The following CNTNAP2 variants were observed in gnomAD, a reference collection of about 807,000 sequenced individuals.
CNTNAP2 encodes contactin associated protein 2.
In CNTNAP2, 98 loss-of-function variants were observed where a neutral mutation model predicts 155.2. The ratio of observed to expected loss-of-function variants is 0.63; its 90% CI spans 0.54 to 0.75. The LOEUF (loss-of-function observed/expected upper bound fraction) is 0.75, where lower values mean the gene tolerates loss of function less well. CNTNAP2 is among the 30% of genes least tolerant of loss of function. The probability of loss-of-function intolerance (pLI) is 0.00; values close to 1 mark genes in which losing one functional copy is unlikely to be tolerated. For synonymous variants in CNTNAP2, 651 were observed against 631.2 expected, an observed-to-expected ratio of 1.03 and a Z score of -0.47; for missense variants, 1,727 against 1,688.1, an observed-to-expected ratio of 1.02 and a Z score of -0.40.
intron 10 of CNTNAP2, among the ~76,000 whole-genome samples, chr7:147,483,690 G>A (rs1430555625): frequency 6.6e-6 from 1 of 152,072 alleles, no homozygotes; most frequent in Non-Finnish European, 1.5e-5. Flanking sequence ...CACCATATAC[G>A]TACTGAATTC....
At chr7:146,915,390 A>G (rs928788945) in intron 3 of CNTNAP2, among the ~76,000 whole-genome samples, 1 of 152,096 alleles carries the variant, frequency 6.6e-6, no homozygotes, top group African/African-American at 2.4e-5. Flanking sequence ...TGAATTTGTA[A>G]CTTGCTTTTG....
At chr7:147,394,179 C>T (rs1416485371) in intron 9 of CNTNAP2, among the ~76,000 whole-genome samples, 1 of 151,868 alleles carries the variant, frequency 6.6e-6, no homozygotes, top group Admixed American at 6.6e-5. Flanking sequence ...CCCCACTTTG[C>T]CTGACACTTC....
chr7:146,631,159 A>T (rs1012136365), intron 1 of CNTNAP2, among the ~76,000 whole-genome samples: 1 of 152,164 alleles, frequency 6.6e-6, no homozygotes, highest in Non-Finnish European at 1.5e-5. Context: ...ACTTCAAACT[A>T]CACTACAAGG....
intron 8 of CNTNAP2, among the ~76,000 whole-genome samples, chr7:147,274,065 C>T (rs184389644): frequency 6.6e-6 from 1 of 151,332 alleles, no homozygotes; most frequent in Non-Finnish European, 1.5e-5. Flanking sequence ...AACACAGAGA[C>T]ACAAACATCT....
At chr7:148,348,265 A>G (rs1798361620) in intron 21 of CNTNAP2, among the ~76,000 whole-genome samples, 1 of 152,226 alleles carries the variant, frequency 6.6e-6, no homozygotes, top group African/African-American at 2.4e-5. Context: ...GAAAGCAGTC[A>G]AGAGTAAATC....
At chr7:148,229,917 A>T (rs1167238945) in intron 20 of CNTNAP2, 138 bp downstream of exon 20, 1 of 905,504 alleles carries the variant, frequency 1.1e-6, no homozygotes, top group East Asian at 2.6e-5. Flanking sequence ...CAAGTGCATA[A>T]CTAGTGAAGT....
intron 21 of CNTNAP2, among the ~76,000 whole-genome samples, chr7:148,299,144 C>G (rs1797336001): frequency 6.6e-6 from 1 of 152,086 alleles, no homozygotes; most frequent in African/African-American, 2.4e-5. Flanking sequence ...GCGCCCACGA[C>G]CACGCCTGGC....
chr7:146,763,721 T>C (rs1377014082), intron 1 of CNTNAP2, among the ~76,000 whole-genome samples: 2 of 152,242 alleles, frequency 1.3e-5, no homozygotes, highest in East Asian at 3.8e-4. Context: ...GGTTTACATA[T>C]TCTTTCAGTC....
At chr7:148,184,902 C>T (rs948561257) in intron 18 of CNTNAP2, among the ~76,000 whole-genome samples, 1 of 152,194 alleles carries the variant, frequency 6.6e-6, no homozygotes, top group Non-Finnish European at 1.5e-5. Flanking sequence ...TGTGAAAGTG[C>T]TTTGAAAAGC....
At chr7:148,356,733 C>T (rs370701974) in intron 21 of CNTNAP2, among the ~76,000 whole-genome samples, 1 of 152,034 alleles carries the variant, frequency 6.6e-6, no homozygotes, top group South Asian at 2.1e-4. Context: ...TCTCCTGAGT[C>T]CTCACCTTTC....
chr7:148,325,195 T>C (rs1277800184), intron 21 of CNTNAP2, among the ~76,000 whole-genome samples: 2 of 152,240 alleles, frequency 1.3e-5, no homozygotes, highest in Non-Finnish European at 2.9e-5. Context: ...AAAGCAGTAA[T>C]ATAGAATCTC....
At chr7:148,330,916 A>C (rs773169167) in intron 21 of CNTNAP2, among the ~76,000 whole-genome samples, 36 of 94,590 alleles carry the variant, frequency 3.8e-4, no homozygotes, top group Non-Finnish European at 6.4e-4. Context: ...GATGGAGTGG[A>C]TGGATGGAAT....
chr7:146,504,635 G>A (rs763231237), intron 1 of CNTNAP2, among the ~76,000 whole-genome samples: 1 of 152,180 alleles, frequency 6.6e-6, no homozygotes, highest in African/African-American at 2.4e-5. Flanking sequence ...CCTGCTCCAG[G>A]GATGGTTAAT....
At chr7:146,451,855 C>CTA (rs1256111124) in intron 1 of CNTNAP2, among the ~76,000 whole-genome samples, 58 of 131,452 alleles carry the variant, frequency 4.4e-4, no homozygotes, top group East Asian at 1.5e-3. Flanking sequence ...TACACGTATT[C>CTA]TATATATATA....
intron 12 of CNTNAP2, among the ~76,000 whole-genome samples, chr7:147,601,767 T>C (rs1800951604): frequency 6.6e-6 from 1 of 151,602 alleles, no homozygotes; most frequent in African/African-American, 2.4e-5. Flanking sequence ...AATTGTCCTG[T>C]AATTTTTTTA....
In CNTNAP2 at chr7:147,168,761, A is replaced by T. The variant is rs369262951; in HGVS notation, c.1348+36252A>T. On this transcript the variant is annotated intron_variant, in intron 8 of 23. Transcript: ENST00000361727. The stretch of plus-strand genomic sequence containing the variant: ...AATTGTTATTGAGAAATTAATTTTA[A>T]TACACTTTTCATCTTTCCAACAGAC... Among the ~76,000 whole-genome samples the T allele has an allele frequency of 2.0e-5, 3 of 152,112 alleles. 1 individual carries two copies. Among genetic ancestry groups the T allele is most frequent in the East Asian group, 3.8e-4 (2 of 5,200 alleles).
intron 8 of CNTNAP2, among the ~76,000 whole-genome samples, chr7:147,151,676 A>G (rs895373109): frequency 5.9e-5 from 9 of 152,068 alleles, no homozygotes; most frequent in African/African-American, 1.7e-4. Context: ...CTAAAGGGTA[A>G]AAACAAAACT....
chr7:148,210,336 A>G (rs910497814), intron 18 of CNTNAP2, among the ~76,000 whole-genome samples: 1 of 152,174 alleles, frequency 6.6e-6, no homozygotes, highest in African/African-American at 2.4e-5. Context: ...GCTGTCCCCA[A>G]AACATTCTAA....
chr7:147,235,740 T>C (rs533714003), intron 8 of CNTNAP2, among the ~76,000 whole-genome samples: 16 of 152,248 alleles, frequency 1.1e-4, no homozygotes, highest in African/African-American at 3.9e-4. Context: ...ATTTCGTGAG[T>C]GTCTTCCTGC....
Sources: allele counts gnomAD v4.1 joint callset (sites outside exome capture counted in the v4.1 genomes callset), GRCh38; gene constraint gnomAD v4.1.1; transcripts MANE v1.5; gene names NCBI Gene and HGNC (gene_info 2026-07-23, HGNC 2026-07-21).